The following LRP12 variants were observed in gnomAD, a reference collection of about 807,000 sequenced individuals.
LRP12 encodes LDL receptor related protein 12, also known as low-density lipoprotein receptor-related protein 12.
Under a neutral mutation model 66.0 loss-of-function variants are expected in LRP12, and 14 were observed. The ratio of observed to expected loss-of-function variants is 0.21; its 90% CI spans 0.14 to 0.33. The LOEUF (loss-of-function observed/expected upper bound fraction) is 0.33, where lower values mean the gene tolerates loss of function less well. Ranked by LOEUF, LRP12 falls within the 10% of genes least tolerant of loss-of-function variation. The pLI, the probability that LRP12 is intolerant of heterozygous loss-of-function variation, is 1.00. For missense variants in LRP12, 889 were observed against 1,053.4 expected, an observed-to-expected ratio of 0.84 and a Z score of 2.16; for synonymous variants, 357 against 359.1, an observed-to-expected ratio of 0.99 and a Z score of 0.07.
Position 104,548,301 on chromosome 8 carries a change from A to G in LRP12, c.80-16338T>C, listed in dbSNP as rs868073033. Among the ~76,000 whole-genome samples the G allele has an allele frequency of 2.9e-3, 245 of 85,432 alleles. 27 individuals carry two copies. The highest frequency in any genetic ancestry group is 0.012 in the African/African-American group (204 of 17,528). The allele number at this position is 85,432 out of a possible 152,430, so 56.0% of individuals were successfully genotyped here. A position where few individuals can be genotyped will look rare whatever the true frequency, so the allele number is the denominator to read the frequency against. ...ATATTAATATATCATATATTTATATAATATATATTATATAAATATATAATA... is the reference window on the plus strand; with the variant it reads ...ATATTAATATATCATATATTTATATGATATATATTATATAAATATATAATA... On this transcript the variant is annotated intron_variant, in intron 1 of 6. Coordinates refer to ENST00000276654, the MANE Select transcript of LRP12 (RefSeq NM_013437.5).
intron 1 of LRP12, among the ~76,000 whole-genome samples, chr8:104,547,765 CTATAT>C (rs949929909): frequency 1.6e-5 from 2 of 121,348 alleles, no homozygotes; most frequent in East Asian, 2.3e-4. Context: ...ATATATAATT[CTATAT>C]TATATTTTGT....
intron 1 of LRP12, among the ~76,000 whole-genome samples, chr8:104,561,177 A>G (rs1021597418): frequency 1.3e-5 from 2 of 152,230 alleles, no homozygotes; most frequent in Admixed American, 1.3e-4. Context: ...AACAGTCATT[A>G]GGTAGAATTT....
intron 1 of LRP12, among the ~76,000 whole-genome samples, chr8:104,586,055 G>A (rs1028821009): frequency 1.3e-5 from 2 of 152,188 alleles, no homozygotes; most frequent in Admixed American, 1.3e-4. Flanking sequence ...TTTCAAAGGT[G>A]GCAGAGGTCA....
intron 1 of LRP12, among the ~76,000 whole-genome samples, chr8:104,536,638 A>G (rs983214223): frequency 3.9e-5 from 6 of 152,082 alleles, no homozygotes; most frequent in African/African-American, 1.4e-4. Flanking sequence ...TATAATTAGC[A>G]AGCTTCTTAT....
intron 6 of LRP12, among the ~76,000 whole-genome samples, chr8:104,494,687 C>T (rs1345479384): frequency 6.6e-6 from 1 of 152,096 alleles, no homozygotes; most frequent in Non-Finnish European, 1.5e-5. Context: ...GAAATGTTAA[C>T]TTCATTTTAA....
Position 104,546,536 on chromosome 8 carries a change from CA to C in LRP12, c.80-14574del, listed in dbSNP as rs1297778246. Among the ~76,000 whole-genome samples, 8 of 152,186 alleles carry C rather than the reference CA, an allele frequency of 5.3e-5. No homozygotes were observed. The South Asian group carries it at 1.2e-3, about 24-fold the overall frequency. On this transcript the variant is annotated intron_variant, in intron 1 of 6. Coordinates refer to ENST00000276654, the MANE Select transcript of LRP12 (RefSeq NM_013437.5). Reference sequence around the variant, plus strand: ...TTGTAAGAATAGATTCCATCGTCCCCACATTATGGATGCGAAAACTCACTCA... The same window carrying C: ...TTGTAAGAATAGATTCCATCGTCCCCCATTATGGATGCGAAAACTCACTCA...
intron 1 of LRP12, among the ~76,000 whole-genome samples, chr8:104,536,836 G>T (rs1450842350): frequency 6.6e-6 from 1 of 151,898 alleles, no homozygotes; most frequent in Admixed American, 6.6e-5. Context: ...TAACTATAAA[G>T]AACAGGAAAA....
intron 1 of LRP12, among the ~76,000 whole-genome samples, chr8:104,537,276 AG>A (rs1399717722): frequency 6.6e-6 from 1 of 152,056 alleles, no homozygotes; most frequent in Non-Finnish European, 1.5e-5. Flanking sequence ...CTCAGGCAAC[AG>A]AAACATTGAG....
At chr8:104,548,942 T>C (rs1811683927) in intron 1 of LRP12, among the ~76,000 whole-genome samples, 1 of 151,338 alleles carries the variant, frequency 6.6e-6, no homozygotes, top group Non-Finnish European at 1.5e-5. Context: ...CCGTCAAAAA[T>C]AAATAAATAA....
At chr8:104,491,786 A>G (rs533558327) in intron 6 of LRP12, among the ~76,000 whole-genome samples, 26 of 152,270 alleles carry the variant, frequency 1.7e-4, no homozygotes, top group Admixed American at 5.9e-4. Flanking sequence ...CATTTTATAT[A>G]TGCAACTTAA....
chr8:104,516,751 A>G (rs1004245756), intron 2 of LRP12, among the ~76,000 whole-genome samples: 3 of 152,152 alleles, frequency 2.0e-5, no homozygotes, highest in Non-Finnish European at 2.9e-5. Context: ...AAGAAGACAC[A>G]TGAAAGAGGG....
At chr8:104,521,384 T>C (rs1221326759) in intron 2 of LRP12, among the ~76,000 whole-genome samples, 1 of 151,218 alleles carries the variant, frequency 6.6e-6, no homozygotes, top group Non-Finnish European at 1.5e-5. Flanking sequence ...AAATATGTGA[T>C]ATATAATATA....
chr8:104,517,222 A>G (rs1027806875), intron 2 of LRP12, among the ~76,000 whole-genome samples: 1 of 150,882 alleles, frequency 6.6e-6, no homozygotes, highest in East Asian at 1.9e-4. Context: ...GATTTAATGC[A>G]TAACAAGTAA....
rs1034019252 is a variant in LRP12 at position 104,490,803 on chromosome 8, A to C, written c.2450T>G (p.Val817Gly). The C allele has an allele frequency of 2.5e-6, 4 of 1,613,876 alleles. No homozygotes were observed. Among genetic ancestry groups the C allele is most frequent in the Non-Finnish European group, 3.4e-6 (4 of 1,179,980 alleles). The change falls in exon 7 of 7, where the codon GTA becomes GGA. Residue 817 changes from valine to glycine, a missense_variant. Transcript: ENST00000276654. ...RQPYNATNPG[V>G]RPSNRDGPCE... ...GGGGCCATCTCGATTACTTGGCCTT[A>C]CTCCAGGATTTGTTGCATTATATGG...
At chr8:104,538,252 T>TA (rs1484257679) in intron 1 of LRP12, among the ~76,000 whole-genome samples, 1 of 152,168 alleles carries the variant, frequency 6.6e-6, no homozygotes, top group Non-Finnish European at 1.5e-5. Context: ...CCCTTTCAAA[T>TA]AAAATCCAAT....
intron 1 of LRP12, among the ~76,000 whole-genome samples, chr8:104,542,346 TTTC>T (rs1415106003): frequency 3.3e-5 from 5 of 152,226 alleles, no homozygotes; most frequent in African/African-American, 1.2e-4. Flanking sequence ...CTGGATTGTC[TTTC>T]TGTTATTGCT....
chr8:104,573,532 T>A (rs570793448), intron 1 of LRP12, among the ~76,000 whole-genome samples: 1 of 152,246 alleles, frequency 6.6e-6, no homozygotes, highest in East Asian at 1.9e-4. Context: ...ATCTGTATTA[T>A]CTTGGTTAGT....
At chr8:104,576,564 G>T (rs192947170) in intron 1 of LRP12, among the ~76,000 whole-genome samples, 1 of 152,282 alleles carries the variant, frequency 6.6e-6, no homozygotes, top group East Asian at 1.9e-4. Flanking sequence ...AATGCTGAAG[G>T]AATTCGTTAC....
intron 2 of LRP12, among the ~76,000 whole-genome samples, chr8:104,527,019 A>C (rs909225517): frequency 6.6e-6 from 1 of 150,528 alleles, no homozygotes; most frequent in Non-Finnish European, 1.5e-5. Context: ...AAAGTGGGCA[A>C]AGGATATGAA....
Sources: gnomAD v4.1 joint callset for allele counts (sites outside exome capture counted in the v4.1 genomes callset) on GRCh38, gnomAD v4.1.1 for gene constraint, MANE v1.5 for transcripts, NCBI Gene and HGNC (gene_info 2026-07-23, HGNC 2026-07-21) for gene names.